Variants in NSUN4 observed in about 807,000 individuals in gnomAD.
NSUN4 encodes the protein 5-cytosine rRNA methyltransferase NSUN4.
A neutral mutation model predicts 43.8 loss-of-function variants in NSUN4; 31 were observed. That is an observed-to-expected ratio of 0.71 (90% CI 0.53 to 0.96). The LOEUF is 0.96. NSUN4 is among the 40% of genes least tolerant of loss of function. The pLI is 0.00. For synonymous variants in NSUN4, 167 were observed against 184.1 expected (o/e 0.91, Z 0.75); for missense variants, 439 against 475.6 (o/e 0.92, Z 0.72).
chr1:46,360,843 T>G lies in NSUN4; in HGVS notation c.878+15T>G. 1 of 1,613,120 alleles carries G rather than the reference T, an allele frequency of 6.2e-7. No individual in the cohort carries two copies. On this transcript the variant is annotated intron_variant, in intron 5 of 5. Coordinates refer to ENST00000474844, the MANE Select transcript of NSUN4 (RefSeq NM_199044.4). ...CAGCTTCTTGCGTGAGTGACAGATTTTTAAACTCAGGACTTTGTGCCAGAG... is the reference window on the plus strand; with the variant it reads ...CAGCTTCTTGCGTGAGTGACAGATTGTTAAACTCAGGACTTTGTGCCAGAG...
intron 3 of NSUN4, among the ~76,000 whole-genome samples, chr1:46,352,532 G>A (rs937827044): frequency 2.7e-5 from 4 of 149,402 alleles, no homozygotes; most frequent in African/African-American, 9.9e-5. Flanking sequence ...GGAAAGGAGA[G>A]AAGAAAGGCG....
At chr1:46,377,829 A>G in the NSUN4 span, among the ~76,000 whole-genome samples, 1 of 152,206 alleles carries the variant, frequency 6.6e-6, no homozygotes, top group Non-Finnish European at 1.5e-5. Context: ...AGATGAGGAA[A>G]TTCAGGTACC....
intron 4 of NSUN4, among the ~76,000 whole-genome samples, chr1:46,359,761 C>A (rs56063031): frequency 6.6e-6 from 1 of 151,754 alleles, no homozygotes; most frequent in African/African-American, 2.4e-5. Context: ...CATGCCACCA[C>A]GCCCGGCTAA....
the NSUN4 span, among the ~76,000 whole-genome samples, chr1:46,383,218 C>T: frequency 3.9e-5 from 6 of 152,160 alleles, no homozygotes; most frequent in East Asian, 1.9e-4. Flanking sequence ...GTGAGAGACC[C>T]GGTGTCCCGG....
intron 1 of NSUN4, chr1:46,341,152 G>T: frequency 3.8e-6 from 5 of 1,301,350 alleles, no homozygotes; most frequent in Non-Finnish European, 4.9e-6. Context: ...CCCAAGTTGC[G>T]TCATCACCTT....
chr1:46,343,909 A>G (rs995703856), intron 1 of NSUN4: 17 of 398,904 alleles, frequency 4.3e-5, no homozygotes, highest in African/African-American at 3.3e-4. Context: ...CAGCGAGGCA[A>G]AAGTCACAGA....
chr1:46,367,142 AG>A (rs1216829465), downstream of NSUN4, among the ~76,000 whole-genome samples: 10 of 152,282 alleles, frequency 6.6e-5, no homozygotes, highest in Admixed American at 6.5e-4. Flanking sequence ...GTGGAAGGCA[AG>A]GGGGTCAAGC....
chr1:46,378,773 A>C, the NSUN4 span, among the ~76,000 whole-genome samples: 1 of 152,366 alleles, frequency 6.6e-6, no homozygotes, highest in Non-Finnish European at 1.5e-5. Context: ...ATCTGCAGTC[A>C]GGTGGCTCTG....
chr1:46,372,684 C>T, the NSUN4 span, among the ~76,000 whole-genome samples: 1 of 152,158 alleles, frequency 6.6e-6, no homozygotes, highest in South Asian at 2.1e-4. Flanking sequence ...GGCATGGACA[C>T]AATCTATCAA....
chr1:46,361,494 G>A (rs1243114099), intron 5 of NSUN4, 76 bp from the exon 6 acceptor site: 1 of 1,383,692 alleles, frequency 7.2e-7, no homozygotes, highest in African/African-American at 1.4e-5. Flanking sequence ...CCTTATCCAT[G>A]TTTCCAGCTC....
At position 46,363,018 on chromosome 1, in the gene NSUN4, A is replaced by G. The variant is rs1663977720; in HGVS notation, c.*1172A>G. 1 of 151,580 alleles carries G rather than the reference A, an allele frequency of 6.6e-6. No homozygotes were observed. The highest frequency in any genetic ancestry group is 2.4e-5 in the African/African-American group (1 of 41,224). The allele number at this position is 151,580 out of a possible 1,614,324, so 9.4% of individuals were successfully genotyped here. On this transcript the variant is annotated 3_prime_UTR_variant, in exon 6 of 6. Transcript: ENST00000474844. ...TTTTTTCCTGGAAAACATCCTGTGC[A>G]GAAAAGGGTATATAATTTTAGAATA...
chr1:46,379,922 A>T, the NSUN4 span, among the ~76,000 whole-genome samples: 1 of 152,232 alleles, frequency 6.6e-6, no homozygotes, highest in South Asian at 2.1e-4. Context: ...ACCTCCCCCA[A>T]AAGCTCCACC....
rs1315355852 is a variant in NSUN4, at chr1:46,344,932, A to C, written c.225A>C (p.Ala75=). ...TCCTCTCAGAGCAGAAGTATGGTGCACTGGTCAATAACTTTGCTGCCTGGG... is the reference window on the plus strand; with the variant it reads ...TCCTCTCAGAGCAGAAGTATGGTGCCCTGGTCAATAACTTTGCTGCCTGGG... ...VSLLSEQKYG[A]LVNNFAAWDH... Residue 75 remains alanine, a synonymous_variant, in exon 2 of 6, where the codon GCA becomes GCC. Transcript: ENST00000474844. 1.9e-6 allele frequency: 3 copies of C among 1,614,098 alleles called. No individual in the cohort carries two copies. The highest frequency in any genetic ancestry group is 2.5e-6 in the Non-Finnish European group (3 of 1,180,036).
chr1:46,345,193 TAGACATGTTGAGACCC>T (rs1279207084), intron 2 of NSUN4, 49 bp downstream of exon 2: 1 of 1,386,656 alleles, frequency 7.2e-7, no homozygotes, highest in African/African-American at 1.4e-5. Flanking sequence ...CTGCTGGAAG[TAGACATGTTGAGACCC>T]AGCTTCTACC....
intron 1 of NSUN4, chr1:46,343,902 C>T (rs763955859): frequency 1.1e-4 from 45 of 398,488 alleles, no homozygotes; most frequent in East Asian, 1.8e-4. Context: ...AGAGTCCCAG[C>T]GAGGCAAAAG....
intron 3 of NSUN4, among the ~76,000 whole-genome samples, chr1:46,348,259 A>C (rs1249069216): frequency 1.3e-5 from 2 of 152,176 alleles, no homozygotes; most frequent in Non-Finnish European, 2.9e-5. Context: ...TTCAAGCCTC[A>C]GCTCAAGTGT....
chr1:46,344,939 A>G lies in NSUN4; in HGVS notation c.232A>G (p.Asn78Asp). 6.2e-7 allele frequency: 1 copy of G among 1,614,206 alleles called. No individual in the cohort carries two copies. Among genetic ancestry groups the G allele is most frequent in the Non-Finnish European group, 8.5e-7 (1 of 1,180,022 alleles). ...LSEQKYGALV[N>D]NFAAWDHVSA... is the part of the protein sequence containing the mutation. ...AGAGCAGAAGTATGGTGCACTGGTCAATAACTTTGCTGCCTGGGATCATGT... is the reference window on the plus strand; with the variant it reads ...AGAGCAGAAGTATGGTGCACTGGTCGATAACTTTGCTGCCTGGGATCATGT... Residue 78 changes from asparagine (N) to aspartate (D), a missense_variant, in exon 2 of 6, where the codon AAT becomes GAT. By Grantham distance (23) the Asn-to-Asp change is conservative (BLOSUM62 1). Transcript: ENST00000474844.
At chr1:46,341,517 C>T in intron 1 of NSUN4, 1 of 1,073,692 alleles carries the variant, frequency 9.3e-7, no homozygotes, top group Non-Finnish European at 1.1e-6. Flanking sequence ...ATCCTCTCAT[C>T]CTCTGGACTC....
the NSUN4 span, among the ~76,000 whole-genome samples, chr1:46,384,374 T>A: frequency 6.6e-6 from 1 of 152,156 alleles, no homozygotes; most frequent in Non-Finnish European, 1.5e-5. Flanking sequence ...AGGTGGAGGA[T>A]AGTTAAGGGA....
Sources: gnomAD v4.1 joint callset for allele counts (sites outside exome capture counted in the v4.1 genomes callset) on GRCh38, gnomAD v4.1.1 for gene constraint, MANE v1.5 for transcripts, NCBI Gene and HGNC (gene_info 2026-07-23, HGNC 2026-07-21) for gene names.